LENG8: variants seen among roughly 807,000 people sequenced by gnomAD.
LENG8 encodes leukocyte receptor cluster member 8.
Under a neutral mutation model 102.1 loss-of-function variants are expected in LENG8, and 28 were observed. The observed-to-expected ratio is 0.27, with a 90% CI of 0.20 to 0.38. The LOEUF is 0.38. LENG8 is among the 10% of genes least tolerant of loss of function. LENG8 has a pLI of 1.00. For synonymous variants in LENG8, 531 were observed against 456.7 expected, an observed-to-expected ratio of 1.16 and a Z score of -2.07; for missense variants, 1,022 against 1,113.9, an observed-to-expected ratio of 0.92 and a Z score of 1.17.
chr19:54,458,972 AC>A, intron 15 of LENG8: 1 of 1,468,122 alleles, frequency 6.8e-7, no homozygotes, highest in Non-Finnish European at 9.0e-7. Context: ...CTTTGAGAGC[AC>A]CAGAAACGCT....
Position 54,457,794 on chromosome 19 carries a change from G to T in LENG8, c.1779G>T (p.Lys593Asn). The change falls in exon 12 of 16, where the codon AAG becomes AAT. Residue 593 changes from lysine (K) to asparagine (N), a missense_variant. By Grantham distance (94) the Lys-to-Asn change is moderately conservative. Around this residue, in one of 7 missense-constraint regions of LENG8, gnomAD observed 158 missense variants for 229.0 expected, o/e 0.69. Coordinates refer to ENST00000326764, the MANE Select transcript of LENG8 (RefSeq NM_052925.4). ...TGGTCAAGTGCCACTGGAAAGAGAA[G>T]CAGGACTACGCGTTTGCCTGCGAGC... ...LCMVKCHWKEKQDYAFACEQM... is the reference protein window; with the variant it reads ...LCMVKCHWKENQDYAFACEQM... 6.2e-7 allele frequency: 1 copy of T among 1,614,212 alleles called. No individual in the cohort carries two copies. The highest frequency in any genetic ancestry group is 2.2e-5 in the East Asian group (1 of 44,888).
Position 54,461,716 on chromosome 19 carries a change from A to C in LENG8, c.*788A>C. On this transcript the variant is annotated 3_prime_UTR_variant, in exon 16 of 16. Coordinates refer to ENST00000326764, the MANE Select transcript of LENG8 (RefSeq NM_052925.4). ...CCCTCCCTCCCTGCCTTCATGGATCACCAGCTCACGTCATGTTGCCTTCTC... is the reference window on the plus strand; with the variant it reads ...CCCTCCCTCCCTGCCTTCATGGATCCCCAGCTCACGTCATGTTGCCTTCTC... 2.0e-6 allele frequency: 1 copy of C among 494,336 alleles called. No individual in the cohort carries two copies. Among genetic ancestry groups the C allele is most frequent in the Non-Finnish European group, 4.1e-6 (1 of 244,898 alleles). 30.6% of individuals were successfully genotyped at this position (494,336 alleles called of 1,614,324 possible). A position where few individuals can be genotyped will look rare whatever the true frequency, so the allele number is the denominator to read the frequency against.
At position 54,454,533 on chromosome 19, in the gene LENG8, A is replaced by C. The variant is rs1323347585; in HGVS notation, c.530A>C (p.His177Pro). The C allele has an allele frequency of 1.2e-6, 2 of 1,613,734 alleles. No individual in the cohort carries two copies. The highest frequency in any genetic ancestry group is 1.1e-5 in the South Asian group (1 of 91,064). The change falls in exon 6 of 16, where the codon CAC (histidine) becomes CCC (proline). Residue 177 changes from histidine (H) to proline (P), a missense_variant. His to Pro is a moderately conservative substitution (Grantham distance 77). Coordinates refer to ENST00000326764, the MANE Select transcript of LENG8 (RefSeq NM_052925.4). ...PQPSNPPHGAHTLNSGPQPGT... is the reference protein window; with the variant it reads ...PQPSNPPHGAPTLNSGPQPGT... The stretch of plus-strand genomic sequence containing the variant: ...CCCTCAAATCCCCCACATGGGGCTC[A>C]CACGCTGAACAGTGGCCCTCAGCCT...
chr19:54,456,682 C>G lies in LENG8; in HGVS notation c.1492C>G (p.Leu498Val). ...GCGCAGTCGAAAGAAGATGGCGGCG[C>G]TGGAGTGTGAGGACCCGGAGCGAGA... The part of the protein sequence containing the change: ...TKRSRKKMAA[L>V]ECEDPERELK... The change falls in exon 11 of 16, where the codon CTG becomes GTG. Residue 498 changes from leucine to valine, a missense_variant. Leu to Val is a conservative substitution (Grantham distance 32). This residue lies in a region of LENG8 where 326 missense variants were observed against 324.5 expected (regional missense o/e 1.00). Transcript: ENST00000326764. 1 of 1,613,364 alleles carries G rather than the reference C, an allele frequency of 6.2e-7. No individual in the cohort carries two copies. The highest frequency in any genetic ancestry group is 8.5e-7 in the Non-Finnish European group (1 of 1,179,772).
Position 54,461,026 on chromosome 19 carries a change from T to G in LENG8, c.*98T>G, listed in dbSNP as rs2084521319. The G allele has an allele frequency of 3.3e-6, 5 of 1,510,074 alleles. No individual in the cohort carries two copies. Among genetic ancestry groups the G allele is most frequent in the East Asian group, 4.9e-5 (2 of 40,668 alleles). 93.5% of individuals were successfully genotyped at this position (1,510,074 alleles called of 1,614,324 possible). On this transcript the variant is annotated 3_prime_UTR_variant, in exon 16 of 16. Coordinates refer to ENST00000326764, the MANE Select transcript of LENG8 (RefSeq NM_052925.4). ...CGTGGACTTGGGTTGTAAATTTATTTGTGGGGAGTGCGCTCCAGGAAGAGC... is the reference window on the plus strand; with the variant it reads ...CGTGGACTTGGGTTGTAAATTTATTGGTGGGGAGTGCGCTCCAGGAAGAGC...
chr19:54,450,149 T>G (rs1180558937), intron 1 of LENG8, among the ~76,000 whole-genome samples: 2 of 152,210 alleles, frequency 1.3e-5, no homozygotes, highest in Admixed American at 6.5e-5. Flanking sequence ...GTTTTGGGTC[T>G]TCTTTGGCAT....
At chr19:54,460,442 G>A (rs112395989) in intron 15 of LENG8, 17,638 of 1,280,800 alleles carry the variant, frequency 0.014, 134 homozygotes, top group Non-Finnish European at 0.016. Context: ...CCCATCCCCT[G>A]CCACGTGCTG....
chr19:54,461,108 T>A lies in LENG8; in HGVS notation c.*180T>A, dbSNP rs1316948199. 2.0e-6 allele frequency: 2 copies of A among 979,856 alleles called. No homozygotes were observed. The highest frequency in any genetic ancestry group is 3.1e-6 in the Non-Finnish European group (2 of 649,674). 60.7% of individuals were successfully genotyped at this position (979,856 alleles called of 1,614,324 possible). On this transcript the variant is annotated 3_prime_UTR_variant, in exon 16 of 16. Coordinates refer to ENST00000326764, the MANE Select transcript of LENG8 (RefSeq NM_052925.4). ...AGTCTGTACAGAGATTTTTCTACGT[T>A]TTTATTTTTTGCCTCAGAGGGATGG...
At position 54,454,770 on chromosome 19, in the gene LENG8, T is replaced by G. The variant is rs948713524; in HGVS notation, c.679+88T>G. On this transcript the variant is annotated intron_variant, in intron 6 of 15. Transcript: ENST00000326764. ...GAGGCCCGTGGTGTGTGCTGCTCCTTGTTTCTGGGTGTTGTGATCGCCAGG... is the reference window on the plus strand; with the variant it reads ...GAGGCCCGTGGTGTGTGCTGCTCCTGGTTTCTGGGTGTTGTGATCGCCAGG... The G allele has an allele frequency of 8.9e-6, 13 of 1,460,902 alleles. No homozygotes were observed. The African/African-American group carries it at 1.6e-4, about 17-fold the overall frequency. The allele number at this position is 1,460,902 out of a possible 1,614,324, so 90.5% of individuals were successfully genotyped here.
Position 54,454,597 on chromosome 19 carries a change from C to T in LENG8, c.594C>T (p.Pro198=), listed in dbSNP as rs368445549. The T allele has an allele frequency of 3.6e-5, 58 of 1,610,132 alleles. No homozygotes were observed. In the South Asian group the frequency reaches 3.7e-4, roughly 10 times the overall value. The change falls in exon 6 of 16, where the codon CCC becomes CCT. Residue 198 remains proline, a synonymous_variant. Transcript: ENST00000326764. Reference sequence around the variant, plus strand: ...CCACACAGCACAGCCAGGCGGGGCCCGCCACGGGCCAGGCCTATGGGCCAC... The same window carrying T: ...CCACACAGCACAGCCAGGCGGGGCCTGCCACGGGCCAGGCCTATGGGCCAC... ...APATQHSQAG[P]ATGQAYGPHT...
At chr19:54,460,570 G>A (rs999468594) in intron 15 of LENG8, 196 bp from the exon 16 acceptor site, 8 of 1,416,998 alleles carry the variant, frequency 5.6e-6, no homozygotes, top group Non-Finnish European at 7.4e-6. Flanking sequence ...GGGGCACAGG[G>A]GACTGGGGTC....
At position 54,455,066 on chromosome 19, in the gene LENG8, C is replaced by T. The variant is rs1250881166; in HGVS notation, c.795C>T (p.Pro265=). ...EGQHSGFGPQ[P]NPEKVQNHSG... is the part of the protein sequence containing the mutation. ...AGCACAGTGGTTTTGGCCCCCAGCC[C>T]AACCCTGAGAAAGTTCAGAACCACA... is the stretch of plus-strand genomic sequence containing the variant. Residue 265 remains proline, a synonymous_variant, in exon 7 of 16, where the codon CCC becomes CCT. Transcript: ENST00000326764. 11 of 1,614,230 alleles carry T rather than the reference C, an allele frequency of 6.8e-6. No homozygotes were observed. The highest frequency in any genetic ancestry group is 8.5e-6 in the Non-Finnish European group (10 of 1,180,046).
At chr19:54,454,750 C>G in intron 6 of LENG8, 68 bp downstream of exon 6, 10 of 1,499,782 alleles carry the variant, frequency 6.7e-6, no homozygotes, top group Non-Finnish European at 8.9e-6. Flanking sequence ...GGTGTGAGGC[C>G]CGTGGTGTGT....
At chr19:54,455,626 T>C in intron 8 of LENG8, 59 bp downstream of exon 8, 4 of 1,468,482 alleles carry the variant, frequency 2.7e-6, no homozygotes, top group Non-Finnish European at 3.7e-6. Flanking sequence ...ATGGGCTGGG[T>C]ATGGAGGTAG....
At chr19:54,459,162 G>A (rs1378949835) in intron 15 of LENG8, 87 of 1,242,918 alleles carry the variant, frequency 7.0e-5, no homozygotes, top group African/African-American at 1.5e-4. Context: ...GTGCCCAGGC[G>A]ACGCTGGGCA....
Position 54,461,051 on chromosome 19 carries a change from C to T in LENG8, c.*123C>T. Reference sequence around the variant, plus strand: ...TGTGGGGAGTGCGCTCCAGGAAGAGCCACCATCCCTGCCCCCGTTTTCCCA... The same window carrying T: ...TGTGGGGAGTGCGCTCCAGGAAGAGTCACCATCCCTGCCCCCGTTTTCCCA... On this transcript the variant is annotated 3_prime_UTR_variant, in exon 16 of 16. Coordinates refer to ENST00000326764, the MANE Select transcript of LENG8 (RefSeq NM_052925.4). The T allele has an allele frequency of 1.5e-6, 2 of 1,377,552 alleles. No homozygotes were observed. Among genetic ancestry groups the T allele is most frequent in the Non-Finnish European group, 9.9e-7 (1 of 1,011,368 alleles). 85.3% of individuals were successfully genotyped at this position (1,377,552 alleles called of 1,614,324 possible). A position where few individuals can be genotyped will look rare whatever the true frequency, so the allele number is the denominator to read the frequency against.
rs759181435 is a variant in LENG8 at position 54,456,384 on chromosome 19, G to A, written c.1364G>A (p.Arg455His). Residue 455 changes from arginine (R) to histidine (H), a missense_variant, in exon 10 of 16, where the codon CGC (arginine) becomes CAC (histidine). Arg to His is a conservative substitution (Grantham distance 29). This residue lies in a region of LENG8 where 326 missense variants were observed against 324.5 expected (regional missense o/e 1.00). Transcript: ENST00000326764. Reference protein sequence around the residue: ...YSGNECHPVGRRNPPPKGRGG... With the variant: ...YSGNECHPVGHRNPPPKGRGG... ...GGGAATGAGTGTCACCCTGTGGGCC[G>A]CAGGAACCCGCCCCCTAAGGGCCGG... 1.1e-5 allele frequency: 17 copies of A among 1,612,242 alleles called. No individual in the cohort carries two copies. The highest frequency in any genetic ancestry group is 6.7e-5 in the Admixed American group (4 of 60,002).
intron 15 of LENG8, chr19:54,460,511 G>T: frequency 7.3e-7 from 1 of 1,376,908 alleles, no homozygotes; most frequent in Non-Finnish European, 9.4e-7. Context: ...GCCCTTCCCT[G>T]CCCGTCCCCG....
At chr19:54,457,019 C>T in intron 11 of LENG8, 98 bp downstream of exon 11, 1 of 1,319,644 alleles carries the variant, frequency 7.6e-7, no homozygotes, top group Non-Finnish European at 1.0e-6. Flanking sequence ...CACGGGGGCT[C>T]TGGTATGGCA....
Sources: allele counts gnomAD v4.1 joint callset (sites outside exome capture counted in the v4.1 genomes callset), GRCh38; gene constraint gnomAD v4.1.1; regional missense constraint gnomAD v4.1.1; transcripts MANE v1.5; gene names NCBI Gene and HGNC (gene_info 2026-07-23, HGNC 2026-07-21).